Variants in CNTN5 observed in about 807,000 individuals in gnomAD.
The protein encoded by CNTN5 is contactin 5.
A neutral mutation model predicts 129.1 loss-of-function variants in CNTN5; 77 were observed. That is an observed-to-expected ratio of 0.60 (90% CI 0.50 to 0.72). The LOEUF is 0.72. CNTN5 is among the 30% of genes least tolerant of loss of function. CNTN5 has a pLI of 0.00. For synonymous variants in CNTN5, 509 were observed against 465.6 expected, an observed-to-expected ratio of 1.09 and a Z score of -1.20; for missense variants, 1,478 against 1,328.8, an observed-to-expected ratio of 1.11 and a Z score of -1.75.
intron 3 of CNTN5, among the ~76,000 whole-genome samples, chr11:99,756,327 C>G (rs932499243): frequency 6.6e-6 from 1 of 151,988 alleles, no homozygotes; most frequent in African/African-American, 2.4e-5. Context: ...TTATAGGTCC[C>G]TTCTAAGTAT....
At chr11:99,883,553 T>G (rs565395427) in intron 6 of CNTN5, among the ~76,000 whole-genome samples, 1 of 152,368 alleles carries the variant, frequency 6.6e-6, no homozygotes, top group Non-Finnish European at 1.5e-5. Context: ...CTTGTTAACA[T>G]GCTCATGGTG....
At chr11:100,337,368 C>G in intron 21 of CNTN5, 1 of 811,826 alleles carries the variant, frequency 1.2e-6, no homozygotes, top group Non-Finnish European at 2.2e-6. Flanking sequence ...ACAAAGCGAA[C>G]AGCCAGCCCT....
chr11:99,668,626 G>GT (rs536056853), intron 3 of CNTN5, among the ~76,000 whole-genome samples: 96 of 152,202 alleles, frequency 6.3e-4, no homozygotes, highest in African/African-American at 2.3e-3. Context: ...CTCTCAGACG[G>GT]TTTTCATATA....
intron 3 of CNTN5, among the ~76,000 whole-genome samples, chr11:99,580,424 C>A (rs1949535295): frequency 1.3e-5 from 2 of 152,100 alleles, no homozygotes; most frequent in African/African-American, 2.4e-5. Flanking sequence ...CTTCCTTGTA[C>A]CTCTGGTAGA....
At chr11:99,845,787 A>T (rs1020892837) in intron 6 of CNTN5, among the ~76,000 whole-genome samples, 82 of 151,496 alleles carry the variant, frequency 5.4e-4, no homozygotes, top group Non-Finnish European at 1.2e-4. Context: ...TTTAGAATTC[A>T]TAACAGTCTA....
intron 3 of CNTN5, among the ~76,000 whole-genome samples, chr11:99,692,729 T>A (rs1954091413): frequency 6.6e-6 from 1 of 152,130 alleles, no homozygotes. Flanking sequence ...AAACATTTTT[T>A]TCATAATTCA....
At chr11:100,202,050 A>G (rs1948792328) in intron 15 of CNTN5, among the ~76,000 whole-genome samples, 1 of 152,020 alleles carries the variant, frequency 6.6e-6, no homozygotes, top group Non-Finnish European at 1.5e-5. Flanking sequence ...ATATTATTTC[A>G]TTTACTTCCC....
chr11:99,702,113 C>G (rs1954548374), intron 3 of CNTN5, among the ~76,000 whole-genome samples: 1 of 150,920 alleles, frequency 6.6e-6, no homozygotes, highest in Non-Finnish European at 1.5e-5. Context: ...CAAAAGCTCA[C>G]AAAAACTACC....
At chr11:99,856,714 A>G (rs939946302) in intron 6 of CNTN5, among the ~76,000 whole-genome samples, 2 of 152,214 alleles carry the variant, frequency 1.3e-5, no homozygotes, top group South Asian at 4.1e-4. Context: ...ATCTATTCAT[A>G]TCCATAGGGA....
intron 13 of CNTN5, among the ~76,000 whole-genome samples, chr11:100,090,499 T>TTTCCTCCCTCCCTCCC (rs1944723054): frequency 3.2e-4 from 10 of 31,186 alleles, no homozygotes. Flanking sequence ...CCTTTCCTCC[T>TTTCCTCCCTCCCTCCC]TTCCTCCCTC....
In CNTN5 at chr11:99,045,608, T is replaced by C. The variant is rs556334947; in HGVS notation, c.-210+24338T>C. Among the ~76,000 whole-genome samples the C allele has an allele frequency of 1.4e-4, 21 of 152,324 alleles. No individual in the cohort carries two copies. In the East Asian group the frequency reaches 3.9e-3, roughly 28 times the overall value. ...AAGCCATTTCAGAACTGAGGACAAT[T>C]TTTTGAAGTATGCTATGCATTTTCA... On this transcript the variant is annotated intron_variant, in intron 1 of 24. Coordinates refer to ENST00000524871, the MANE Select transcript of CNTN5 (RefSeq NM_014361.4).
chr11:99,574,041 G>A (rs1220991328), intron 3 of CNTN5, among the ~76,000 whole-genome samples: 2 of 152,010 alleles, frequency 1.3e-5, no homozygotes, highest in Non-Finnish European at 2.9e-5. Context: ...TTCTCCTAAT[G>A]CTATCACTCC....
At chr11:100,182,730 T>G (rs1948174852) in intron 13 of CNTN5, among the ~76,000 whole-genome samples, 1 of 152,008 alleles carries the variant, frequency 6.6e-6, no homozygotes, top group Non-Finnish European at 1.5e-5. Flanking sequence ...CTCTGTGACC[T>G]TAGGTTAGGT....
At chr11:99,281,956 A>T (rs1863717659) in intron 1 of CNTN5, among the ~76,000 whole-genome samples, 1 of 151,952 alleles carries the variant, frequency 6.6e-6, no homozygotes, top group Non-Finnish European at 1.5e-5. Flanking sequence ...CGGAAGTAGA[A>T]GCTTCTACTT....
At position 100,127,651 on chromosome 11, in the gene CNTN5, CTTTTTT is replaced by C. The variant is rs66468227; in HGVS notation, c.1580+53376_1580+53381del. ...ACAGACTTTCTGACTTTCTTTCTTT[CTTTTTT>C]TTTTTTTTTTTTTTTTTTGAGATGG... On this transcript the variant is annotated intron_variant, in intron 13 of 24. Coordinates refer to ENST00000524871, the MANE Select transcript of CNTN5 (RefSeq NM_014361.4). Among the ~76,000 whole-genome samples, 164 of 81,288 alleles carry C rather than the reference CTTTTTT, an allele frequency of 2.0e-3. 1 individual carries two copies. In the South Asian group the frequency reaches 0.053, roughly 26 times the overall value. The allele number at this position is 81,288 out of a possible 152,430, so 53.3% of individuals were successfully genotyped here. A position where few individuals can be genotyped will look rare whatever the true frequency, so the allele number is the denominator to read the frequency against.
At chr11:99,962,865 T>C (rs1235020546) in intron 8 of CNTN5, among the ~76,000 whole-genome samples, 1 of 150,736 alleles carries the variant, frequency 6.6e-6, no homozygotes, top group East Asian at 1.9e-4. Context: ...TGGTGTGAGA[T>C]GATATCTCAT....
intron 1 of CNTN5, among the ~76,000 whole-genome samples, chr11:99,277,214 GC>G (rs1276107306): frequency 6.6e-6 from 1 of 151,642 alleles, no homozygotes; most frequent in Non-Finnish European, 1.5e-5. Flanking sequence ...AAAATTTTAA[GC>G]CAGACATTCT....
At chr11:99,765,849 A>G (rs1036771050) in intron 3 of CNTN5, among the ~76,000 whole-genome samples, 3 of 152,050 alleles carry the variant, frequency 2.0e-5, no homozygotes, top group Admixed American at 6.6e-5. Flanking sequence ...TATGAAGAAC[A>G]TGGATCTGTA....
At chr11:99,815,571 G>T (rs1190491614) in intron 3 of CNTN5, among the ~76,000 whole-genome samples, 1 of 152,064 alleles carries the variant, frequency 6.6e-6, no homozygotes, top group African/African-American at 2.4e-5. Flanking sequence ...TAATGCAGGG[G>T]GTTCCAGACC....
Sources: allele counts gnomAD v4.1 joint callset (sites outside exome capture counted in the v4.1 genomes callset), GRCh38; gene constraint gnomAD v4.1.1; transcripts MANE v1.5; gene names NCBI Gene and HGNC (gene_info 2026-07-23, HGNC 2026-07-21).